Variants in GLDC observed in about 807,000 individuals in gnomAD.
The protein encoded by GLDC is glycine dehydrogenase (decarboxylating), mitochondrial.
In GLDC, 104 loss-of-function variants were observed where a neutral mutation model predicts 121.3. That is an observed-to-expected ratio of 0.86 (90% confidence interval 0.73 to 1.01). GLDC has a LOEUF of 1.01. Ranked by LOEUF, GLDC falls within the 50% of genes least tolerant of loss-of-function variation. The pLI, the probability that GLDC is intolerant of heterozygous loss-of-function variation, is 0.00. For synonymous variants in GLDC, 546 were observed against 480.6 expected (o/e 1.14, Z -1.78); for missense variants, 1,429 against 1,306.6 (o/e 1.09, Z -1.44).
Position 6,592,219 on chromosome 9 carries a change from C to T in GLDC, c.1406G>A (p.Gly469Asp). 2 of 1,590,878 alleles carry T rather than the reference C, an allele frequency of 1.3e-6. No individual in the cohort carries two copies. Among genetic ancestry groups the T allele is most frequent in the Admixed American group, 1.7e-5 (1 of 60,000 alleles). Residue 469 changes from glycine to aspartate, a missense_variant, in exon 11 of 25, where the codon GGT (glycine) becomes GAT (aspartate). Coordinates refer to ENST00000321612, the MANE Select transcript of GLDC (RefSeq NM_000170.3). ...NFRLFEDGTLGISLDETVNEK... is the reference protein window; with the variant it reads ...NFRLFEDGTLDISLDETVNEK... ...ATTGACTGTTTCATCAAGAGAAATA[C>T]CAAGCTACAGAAACACAAACAAAAT...
chr9:6,591,971 G>C, intron 11 of GLDC, 172 bp downstream of exon 11: 2 of 655,328 alleles, frequency 3.1e-6, no homozygotes, highest in Non-Finnish European at 5.6e-6. Flanking sequence ...CCCTACAGCA[G>C]TGACCTCCAG....
At chr9:6,547,044 T>C (rs1305474365) in intron 21 of GLDC, among the ~76,000 whole-genome samples, 1 of 152,130 alleles carries the variant, frequency 6.6e-6, no homozygotes, top group Non-Finnish European at 1.5e-5. Flanking sequence ...TTTATCATTA[T>C]TATTAGGTAC....
At chr9:6,547,863 C>T (rs989705715) in intron 21 of GLDC, among the ~76,000 whole-genome samples, 6 of 152,166 alleles carry the variant, frequency 3.9e-5, no homozygotes, top group Non-Finnish European at 8.8e-5. Context: ...GGTGCAGTGG[C>T]TCACACCCAT....
chr9:6,584,304 C>T (rs145099883), intron 15 of GLDC, among the ~76,000 whole-genome samples: 14 of 152,302 alleles, frequency 9.2e-5, no homozygotes, highest in African/African-American at 3.1e-4. Context: ...CAGTGGCTGA[C>T]ATGGTATTCG....
intron 2 of GLDC, among the ~76,000 whole-genome samples, chr9:6,622,163 C>CACAG (rs1397952012): frequency 7.5e-6 from 1 of 133,798 alleles, no homozygotes; most frequent in Non-Finnish European, 1.5e-5. Context: ...CACACAGACA[C>CACAG]ACACACACAC....
At position 6,644,682 on chromosome 9, in the gene GLDC, T is replaced by G; in HGVS notation, c.266A>C (p.Glu89Ala). 6.2e-7 allele frequency: 1 copy of G among 1,611,216 alleles called. No individual in the cohort carries two copies. The highest frequency in any genetic ancestry group is 8.5e-7 in the Non-Finnish European group (1 of 1,177,484). ...LQTLGLASID[E>A]LIEKTVPANI... ...GGCAGGGACCGTCTTCTCGATCAAT[T>G]CATCAATGCTCTAAAATTAAAACGC... The change falls in exon 2 of 25, where the codon GAA becomes GCA. Residue 89 changes from glutamate (E) to alanine (A), a missense_variant. Glu to Ala is a moderately radical substitution (Grantham distance 107). Transcript: ENST00000321612.
chr9:6,583,294 C>G (rs954969838), intron 15 of GLDC, among the ~76,000 whole-genome samples: 1 of 151,986 alleles, frequency 6.6e-6, no homozygotes, highest in Admixed American at 6.6e-5. Context: ...TTCACTATAG[C>G]CGAAAGGATG....
chr9:6,608,048 G>A (rs1303663750), intron 4 of GLDC, among the ~76,000 whole-genome samples: 1 of 151,972 alleles, frequency 6.6e-6, no homozygotes, highest in Non-Finnish European at 1.5e-5. Flanking sequence ...ACTTGAACTG[G>A]GGAAGTCAAG....
intron 15 of GLDC, among the ~76,000 whole-genome samples, chr9:6,577,055 G>C (rs902020500): frequency 8.5e-5 from 13 of 152,186 alleles, no homozygotes; most frequent in African/African-American, 3.1e-4. Context: ...TATGTGGGCA[G>C]GGAATGACTG....
At chr9:6,573,157 C>A (rs908424109) in intron 15 of GLDC, among the ~76,000 whole-genome samples, 1 of 152,094 alleles carries the variant, frequency 6.6e-6, no homozygotes, top group Non-Finnish European at 1.5e-5. Context: ...CGCCTGTAAT[C>A]CCAGCTACTA....
chr9:6,640,438 C>T (rs1035197602), intron 2 of GLDC, among the ~76,000 whole-genome samples: 6 of 152,204 alleles, frequency 3.9e-5, no homozygotes, highest in African/African-American at 1.4e-4. Context: ...GGGGTCAGTT[C>T]AGGAGAGTGC....
In GLDC at chr9:6,610,305, C is replaced by G; in HGVS notation, c.522G>C (p.Glu174Asp). Residue 174 changes from glutamate (E) to aspartate (D), a missense_variant, in exon 4 of 25, where the codon GAG becomes GAC. Glu to Asp is a conservative substitution (Grantham distance 45). Transcript: ENST00000321612. ...CCATGGTCTGGTAGTTGAGTAAACT[C>G]TCCAGCCTCCCCTGAGACACCTCAG... Reference protein sequence around the residue: ...YQPEVSQGRLESLLNYQTMVC... With the variant: ...YQPEVSQGRLDSLLNYQTMVC... 6.2e-7 allele frequency: 1 copy of G among 1,613,954 alleles called. No homozygotes were observed. The highest frequency in any genetic ancestry group is 8.5e-7 in the Non-Finnish European group (1 of 1,179,850).
At chr9:6,559,683 C>T (rs949760541) in intron 16 of GLDC, among the ~76,000 whole-genome samples, 10 of 151,354 alleles carry the variant, frequency 6.6e-5, no homozygotes, top group Admixed American at 3.3e-4. Flanking sequence ...GGTGTGGTGA[C>T]GCACGCCTGT....
chr9:6,631,565 G>A (rs146957862), intron 2 of GLDC, among the ~76,000 whole-genome samples: 216 of 152,230 alleles, frequency 1.4e-3, no homozygotes, highest in African/African-American at 5.0e-3. Context: ...GTATTTATCT[G>A]GAATACCAGC....
At chr9:6,601,738 C>T (rs915663365) in intron 8 of GLDC, among the ~76,000 whole-genome samples, 5 of 152,132 alleles carry the variant, frequency 3.3e-5, no homozygotes, top group African/African-American at 9.7e-5. Flanking sequence ...GATCCTCCCA[C>T]CTGAGCCTCC....
At chr9:6,562,876 A>G (rs1045608037) in intron 16 of GLDC, among the ~76,000 whole-genome samples, 1 of 152,138 alleles carries the variant, frequency 6.6e-6, no homozygotes, top group Non-Finnish European at 1.5e-5. Context: ...AAAATTTCTG[A>G]TCCAGAAGGA....
At position 6,565,697 on chromosome 9, in the gene GLDC, C is replaced by T. The variant is rs16924691; in HGVS notation, c.1851-268G>A. 0.016 allele frequency: 9,253 copies of T among 591,976 alleles called. 474 individuals are homozygous for T. The highest frequency in any genetic ancestry group is 0.13 in the African/African-American group (6,732 of 53,844). The allele number at this position is 591,976 out of a possible 1,614,324, so 36.7% of individuals were successfully genotyped here. On this transcript the variant is annotated intron_variant, in intron 15 of 24. Coordinates refer to ENST00000321612, the MANE Select transcript of GLDC (RefSeq NM_000170.3). ...CTTTCTATATCCTTGCTCAGGACCA[C>T]GCATTGAAAATAGCCTTTTGTTATT... is the stretch of plus-strand genomic sequence containing the variant.
At chr9:6,644,471 G>T in intron 2 of GLDC, 143 bp downstream of exon 2, 1 of 694,492 alleles carries the variant, frequency 1.4e-6, no homozygotes, top group South Asian at 1.5e-5. Context: ...CCGCGGCTCC[G>T]GAGGTACCCG....
chr9:6,571,649 T>C (rs1817970564), intron 15 of GLDC, among the ~76,000 whole-genome samples: 1 of 152,188 alleles, frequency 6.6e-6, no homozygotes, highest in African/African-American at 2.4e-5. Flanking sequence ...CTGATTTACA[T>C]CCCAGGTGGG....
Sources: allele counts gnomAD v4.1 joint callset (sites outside exome capture counted in the v4.1 genomes callset), GRCh38; gene constraint gnomAD v4.1.1; transcripts MANE v1.5; gene names NCBI Gene and HGNC (gene_info 2026-07-23, HGNC 2026-07-21).